Variants in GZF1 observed in about 807,000 individuals in gnomAD.
GZF1 encodes GDNF inducible zinc finger protein 1, also known as GDNF-inducible zinc finger protein 1.
In GZF1, 28 loss-of-function variants were observed where a neutral mutation model predicts 49.4. That is an observed-to-expected ratio of 0.57 (90% CI 0.42 to 0.78). The LOEUF (loss-of-function observed/expected upper bound fraction) is 0.78. Ranked by LOEUF, GZF1 falls within the 30% of genes least tolerant of loss-of-function variation. The pLI, the probability that GZF1 is intolerant of heterozygous loss-of-function variation, is 0.00. For synonymous variants in GZF1, 364 were observed against 356.0 expected, an observed-to-expected ratio of 1.02 and a Z score of -0.25; for missense variants, 798 against 916.2, an observed-to-expected ratio of 0.87 and a Z score of 1.67.
rs1458906599 is a variant in GZF1 at position 23,364,675 on chromosome 20, A to G, written c.292A>G (p.Lys98Glu). The stretch of plus-strand genomic sequence containing the variant: ...ATTTCTTGAGTTTGTCTACACTGCA[A>G]AGGTACAGGTGGAAGAAGATCGGGT... ...ASFLEFVYTA[K>E]VQVEEDRVQR... The change falls in exon 2 of 6, where the codon AAG becomes GAG. Residue 98 changes from lysine to glutamate, a missense_variant. This residue lies in a region of GZF1 where 105 missense variants were observed against 147.5 expected (regional missense o/e 0.71). Coordinates refer to ENST00000338121, the MANE Select transcript of GZF1 (RefSeq NM_022482.5). 6.2e-7 allele frequency: 1 copy of G among 1,614,160 alleles called. No homozygotes were observed. The highest frequency in any genetic ancestry group is 8.5e-7 in the Non-Finnish European group (1 of 1,180,056).
At chr20:23,366,532 G>A (rs4815199) in intron 2 of GZF1, among the ~76,000 whole-genome samples, 45,158 of 152,016 alleles carry the variant, frequency 0.3, 6,744 homozygotes, top group Middle Eastern at 0.38. Flanking sequence ...TGCCACCTTC[G>A]GCAATTTGAG....
chr20:23,367,536 T>C (rs1981541165), intron 3 of GZF1, among the ~76,000 whole-genome samples: 1 of 152,220 alleles, frequency 6.6e-6, no homozygotes, highest in African/African-American at 2.4e-5. Flanking sequence ...CCCTGGCTTA[T>C]GACCCGGCTA....
At position 23,371,203 on chromosome 20, in the gene GZF1, T is replaced by C. The variant is rs530162808; in HGVS notation, c.*762T>C. 1.5e-3 allele frequency: 222 copies of C among 152,726 alleles called. 1 individual carries two copies. The highest frequency in any genetic ancestry group is 3.4e-3 in the Middle Eastern group (1 of 294). 9.5% of individuals were successfully genotyped at this position (152,726 alleles called of 1,614,324 possible). On this transcript the variant is annotated 3_prime_UTR_variant, in exon 6 of 6. Coordinates refer to ENST00000338121, the MANE Select transcript of GZF1 (RefSeq NM_022482.5). ...AGGTAAAAGCTGTCCTACCAAAGAGTCTAGCAAAACAATATAGTATTTTTT... is the reference window on the plus strand; with the variant it reads ...AGGTAAAAGCTGTCCTACCAAAGAGCCTAGCAAAACAATATAGTATTTTTT...
upstream of GZF1, among the ~76,000 whole-genome samples, chr20:23,361,932 GTCT>G (rs1352248304): frequency 4.6e-5 from 7 of 152,220 alleles, no homozygotes; most frequent in African/African-American, 1.7e-4. Context: ...AGACGTCGCT[GTCT>G]CCTGCGCAGG....
Position 23,364,698 on chromosome 20 carries a change from G to C in GZF1, c.315G>C (p.Arg105=), listed in dbSNP as rs376361468. 2 of 1,614,270 alleles carry C rather than the reference G, an allele frequency of 1.2e-6. No individual in the cohort carries two copies. The highest frequency in any genetic ancestry group is 8.5e-7 in the Non-Finnish European group (1 of 1,180,048). Residue 105 remains arginine (R), a synonymous_variant, in exon 2 of 6, where the codon CGG becomes CGC. Coordinates refer to ENST00000338121, the MANE Select transcript of GZF1 (RefSeq NM_022482.5). ...CAAAGGTACAGGTGGAAGAAGATCG[G>C]GTGCAGCGAATGCTGGAAGTGGCTG... is the stretch of plus-strand genomic sequence containing the variant. ...YTAKVQVEED[R]VQRMLEVAEK...
At chr20:23,363,796 A>G (rs16985266) in intron 1 of GZF1, among the ~76,000 whole-genome samples, 13,968 of 152,292 alleles carry the variant, frequency 0.092, 1,054 homozygotes, top group African/African-American at 0.21. Flanking sequence ...GTAGAGTAAC[A>G]ATAATTCAAA....
chr20:23,370,784 A>G lies in GZF1; in HGVS notation c.*343A>G, dbSNP rs1982003049. The stretch of plus-strand genomic sequence containing the variant: ...CTTAATTGCAGAGTACAGAGAACTG[A>G]ACCAGCTCCTGATATTGTAGTTAGC... On this transcript the variant is annotated 3_prime_UTR_variant, in exon 6 of 6. Coordinates refer to ENST00000338121, the MANE Select transcript of GZF1 (RefSeq NM_022482.5). The G allele has an allele frequency of 4.1e-6, 1 of 245,642 alleles. No homozygotes were observed. Among genetic ancestry groups the G allele is most frequent in the Non-Finnish European group, 7.9e-6 (1 of 127,346 alleles). The allele number at this position is 245,642 out of a possible 1,614,324, so 15.2% of individuals were successfully genotyped here. A position where few individuals can be genotyped will look rare whatever the true frequency, so the allele number is the denominator to read the frequency against.
intron 3 of GZF1, among the ~76,000 whole-genome samples, 162 bp downstream of exon 3, chr20:23,367,259 G>C (rs147546118): frequency 2.1e-4 from 32 of 152,304 alleles, no homozygotes; most frequent in African/African-American, 7.7e-4. Context: ...TACACCCATT[G>C]CCTTGTTGCT....
In GZF1 at chr20:23,372,047, GCACA is replaced by G. The variant is rs1468045988; in HGVS notation, c.*1607_*1610del. On this transcript the variant is annotated 3_prime_UTR_variant, in exon 6 of 6. Transcript: ENST00000338121. Reference sequence around the variant, plus strand: ...TCACTGTATCCTAGTTATGTTTACAGCACAAATAAATAATGACTGTCATACATCC... The same window carrying G: ...TCACTGTATCCTAGTTATGTTTACAGAATAAATAATGACTGTCATACATCC... 1 of 152,592 alleles carries G rather than the reference GCACA, an allele frequency of 6.6e-6. No homozygotes were observed. The highest frequency in any genetic ancestry group is 1.9e-4 in the East Asian group (1 of 5,192). 9.5% of individuals were successfully genotyped at this position (152,592 alleles called of 1,614,324 possible).
rs200302139 is a variant in GZF1, at chr20:23,370,401, C to T, written c.2096C>T (p.Ser699Leu). ...ELSELTPQTD[S>L]MPTQLHSLSN... Reference sequence around the variant, plus strand: ...AGCGAGCTGACCCCACAGACAGACTCGATGCCCACACAGCTTCACTCTTTG... The same window carrying T: ...AGCGAGCTGACCCCACAGACAGACTTGATGCCCACACAGCTTCACTCTTTG... Residue 699 changes from serine (S) to leucine (L), a missense_variant, in exon 6 of 6, where the codon TCG becomes TTG. Physicochemically the swap from Ser to Leu is moderately radical, Grantham distance 145 (BLOSUM62 -2). This residue lies in a region of GZF1 where 446 missense variants were observed against 540.1 expected (regional missense o/e 0.83). Coordinates refer to ENST00000338121, the MANE Select transcript of GZF1 (RefSeq NM_022482.5). The T allele has an allele frequency of 4.3e-6, 7 of 1,613,724 alleles. No individual in the cohort carries two copies. The Admixed American group carries it at 5.0e-5, about 12-fold the overall frequency.
intron 1 of GZF1, chr20:23,362,808 A>G (rs1980843714): frequency 6.6e-6 from 1 of 152,310 alleles, no homozygotes; most frequent in South Asian, 2.1e-4. Flanking sequence ...CAAGCAACAT[A>G]GGAAATCGCG....
At chr20:23,361,918 G>A (rs1980696238), upstream of GZF1, among the ~76,000 whole-genome samples, 1 of 152,240 alleles carries the variant, frequency 6.6e-6, no homozygotes, top group African/African-American at 2.4e-5. Context: ...GCGTGCCGCA[G>A]CGCAGACGTC....
rs1430324922 is a variant in GZF1 at position 23,370,479 on chromosome 20, G to A, written c.*38G>A. 1 of 1,307,506 alleles carries A rather than the reference G, an allele frequency of 7.6e-7. No homozygotes were observed. The highest frequency in any genetic ancestry group is 1.2e-5 in the South Asian group (1 of 81,590). The allele number at this position is 1,307,506 out of a possible 1,614,324, so 81.0% of individuals were successfully genotyped here. Reference sequence around the variant, plus strand: ...GTTCCCATCCTGTTAGTCTGCGTGTGTGGTAGCTGAACTCAAGATGATGTG... The same window carrying A: ...GTTCCCATCCTGTTAGTCTGCGTGTATGGTAGCTGAACTCAAGATGATGTG... On this transcript the variant is annotated 3_prime_UTR_variant, in exon 6 of 6. Coordinates refer to ENST00000338121, the MANE Select transcript of GZF1 (RefSeq NM_022482.5).
In GZF1 at chr20:23,364,718, T is replaced by G; in HGVS notation, c.335T>G (p.Val112Gly). 6.2e-7 allele frequency: 1 copy of G among 1,614,252 alleles called. No individual in the cohort carries two copies. The highest frequency in any genetic ancestry group is 8.5e-7 in the Non-Finnish European group (1 of 1,180,036). The change falls in exon 2 of 6, where the codon GTG becomes GGG. Residue 112 changes from valine (V) to glycine (G), a missense_variant. Coordinates refer to ENST00000338121, the MANE Select transcript of GZF1 (RefSeq NM_022482.5). ...GATCGGGTGCAGCGAATGCTGGAAG[T>G]GGCTGAAAAGCTGAAATGTTTGGAT... ...EEDRVQRMLE[V>G]AEKLKCLDLS... is the part of the protein sequence containing the mutation.
Position 23,367,098 on chromosome 20 carries a change from GTAAA to G in GZF1, c.1459+4_1459+7del. 1 of 1,573,432 alleles carries G rather than the reference GTAAA, an allele frequency of 6.4e-7. No individual in the cohort carries two copies. ...ATTTATCATAAAAGGTGTCACACAG[GTAAA>G]TACTCATGCTGTTGTGATTGAATGT... On this transcript the variant is annotated splice_donor_variant and splice_donor_5th_base_variant and intron_variant, in intron 3 of 5. Coordinates refer to ENST00000338121, the MANE Select transcript of GZF1 (RefSeq NM_022482.5). LOFTEE classifies it high-confidence loss of function.
At chr20:23,365,800 G>A in intron 2 of GZF1, 53 bp downstream of exon 2, 1 of 1,458,744 alleles carries the variant, frequency 6.9e-7, no homozygotes, top group East Asian at 2.5e-5. Context: ...GGTGTGTCAA[G>A]CACTGAGGTC....
In GZF1 at chr20:23,372,966, TGTAG is replaced by T. The variant is rs1982223887; in HGVS notation, c.*2528_*2531del. 1 of 152,258 alleles carries T rather than the reference TGTAG, an allele frequency of 6.6e-6. No homozygotes were observed. Among genetic ancestry groups the T allele is most frequent in the South Asian group, 2.1e-4 (1 of 4,838 alleles). 9.4% of individuals were successfully genotyped at this position (152,258 alleles called of 1,614,324 possible). On this transcript the variant is annotated 3_prime_UTR_variant, in exon 6 of 6. Transcript: ENST00000338121. The stretch of plus-strand genomic sequence containing the variant: ...GATTTTTACAGAAATGTGATTTTGC[TGTAG>T]GTGATTATCCAAACAAGTAAATTTG...
Position 23,370,140 on chromosome 20 carries a change from G to A in GZF1, c.1835G>A (p.Gly612Asp). 6.2e-7 allele frequency: 1 copy of A among 1,614,204 alleles called. No individual in the cohort carries two copies. The highest frequency in any genetic ancestry group is 1.1e-5 in the South Asian group (1 of 91,088). The change falls in exon 6 of 6, where the codon GGC (glycine) becomes GAC (aspartate). Residue 612 changes from glycine (G) to aspartate (D), a missense_variant. Coordinates refer to ENST00000338121, the MANE Select transcript of GZF1 (RefSeq NM_022482.5). ...PWKSFLVIVD[G>D]SPKNDDGHKT... Reference sequence around the variant, plus strand: ...AAGTCTTTCCTTGTCATTGTAGATGGCTCGCCCAAGAACGATGACGGACAC... The same window carrying A: ...AAGTCTTTCCTTGTCATTGTAGATGACTCGCCCAAGAACGATGACGGACAC...
rs1982094806 is a variant in GZF1 at position 23,371,716 on chromosome 20, T to TTTTTTA, written c.*1275_*1276insTTTTTA. The TTTTTTA allele has an allele frequency of 6.6e-6, 1 of 152,400 alleles. No individual in the cohort carries two copies. The highest frequency in any genetic ancestry group is 2.4e-5 in the African/African-American group (1 of 41,462). 9.4% of individuals were successfully genotyped at this position (152,400 alleles called of 1,614,324 possible). A position where few individuals can be genotyped will look rare whatever the true frequency, so the allele number is the denominator to read the frequency against. On this transcript the variant is annotated 3_prime_UTR_variant, in exon 6 of 6. Coordinates refer to ENST00000338121, the MANE Select transcript of GZF1 (RefSeq NM_022482.5). ...TGATTCACATGTAACATTTAAACAT[T>TTTTTTA]AATTTAAAAAGGGAACCTTGGAGAA...
Sources: gnomAD v4.1 joint callset for allele counts (sites outside exome capture counted in the v4.1 genomes callset) on GRCh38, gnomAD v4.1.1 for gene constraint, gnomAD v4.1.1 regional missense constraint, MANE v1.5 for transcripts, NCBI Gene and HGNC (gene_info 2026-07-23, HGNC 2026-07-21) for gene names.